The following C4BPB variants were observed in gnomAD, a reference collection of about 807,000 sequenced individuals.
The protein encoded by C4BPB is C4b-binding protein beta chain.
Under a neutral mutation model 26.6 loss-of-function variants are expected in C4BPB, and 19 were observed. The ratio of observed to expected loss-of-function variants is 0.71; its 90% CI spans 0.50 to 1.05. The LOEUF is 1.05. C4BPB is among the 50% of genes least tolerant of loss of function. The pLI, the probability that C4BPB is intolerant of heterozygous loss-of-function variation, is 0.00. For synonymous variants in C4BPB, 118 were observed against 103.5 expected (o/e 1.14, Z -0.85); for missense variants, 282 against 302.9 (o/e 0.93, Z 0.51).
At chr1:207,091,573 A>T (rs1445277009) in intron 3 of C4BPB, 71 bp from the exon 4 acceptor site, 7 of 1,254,972 alleles carry the variant, frequency 5.6e-6, no homozygotes, top group Non-Finnish European at 7.9e-6. Flanking sequence ...CTGAAGACTG[A>T]GGAGGTCTGG....
chr1:207,099,087 C>G (rs554718997), intron 6 of C4BPB, among the ~76,000 whole-genome samples: 1 of 151,236 alleles, frequency 6.6e-6, no homozygotes, highest in Admixed American at 6.6e-5. Flanking sequence ...GAGACAGTGA[C>G]AGATCATCAG....
chr1:207,098,036 A>G lies in C4BPB; in HGVS notation c.504-114A>G, dbSNP rs540038796. 81 of 784,122 alleles carry G rather than the reference A, an allele frequency of 1.0e-4. No individual in the cohort carries two copies. In the South Asian group the frequency reaches 1.0e-3, roughly 10 times the overall value. The allele number at this position is 784,122 out of a possible 1,614,324, so 48.6% of individuals were successfully genotyped here. A position where few individuals can be genotyped will look rare whatever the true frequency, so the allele number is the denominator to read the frequency against. On this transcript the variant is annotated intron_variant, in intron 5 of 6. Coordinates refer to ENST00000367078, the MANE Select transcript of C4BPB (RefSeq NM_001017365.3). ...TAAGCATGCATTGAGGCTCAAGGGC[A>G]GGGAGGTGGATTCCATCACAGCATG...
chr1:207,089,298 T>A (rs1683924638), intron 1 of C4BPB, 184 bp from the exon 2 acceptor site: 1 of 468,066 alleles, frequency 2.1e-6, no homozygotes, highest in East Asian at 3.4e-5. Context: ...TCTTTTACCA[T>A]CCCTTTGTAT....
At chr1:207,090,150 A>G (rs189169196) in intron 2 of C4BPB, among the ~76,000 whole-genome samples, 158 bp from the exon 3 acceptor site, 104 of 152,336 alleles carry the variant, frequency 6.8e-4, no homozygotes, top group African/African-American at 2.1e-3. Context: ...GGGTGCCTGT[A>G]GTCCCGGCTA....
At chr1:207,092,275 T>C (rs547271382) in intron 4 of C4BPB, among the ~76,000 whole-genome samples, 1 of 152,278 alleles carries the variant, frequency 6.6e-6, no homozygotes, top group African/African-American at 2.4e-5. Flanking sequence ...TTTCATGACT[T>C]TTTCTTATGT....
intron 4 of C4BPB, among the ~76,000 whole-genome samples, chr1:207,093,066 AAAAAATCAATGT>A (rs1464249634): frequency 6.6e-6 from 1 of 152,234 alleles, no homozygotes; most frequent in Non-Finnish European, 1.5e-5. Flanking sequence ...TAAATATTGA[AAAAAATCAATGT>A]TTTCATTTTC....
intron 4 of C4BPB, 111 bp downstream of exon 4, chr1:207,091,931 G>C (rs939846651): frequency 7.8e-6 from 7 of 895,808 alleles, no homozygotes; most frequent in African/African-American, 1.7e-5. Flanking sequence ...TCAGAGACAG[G>C]CTTAAGATCT....
chr1:207,096,896 G>A (rs1234767828), intron 5 of C4BPB, among the ~76,000 whole-genome samples: 1 of 152,232 alleles, frequency 6.6e-6, no homozygotes, highest in Non-Finnish European at 1.5e-5. Flanking sequence ...ATTTGGCTGG[G>A]CGTGATGGCT....
chr1:207,093,422 T>C (rs1481615938), intron 4 of C4BPB, among the ~76,000 whole-genome samples: 1 of 152,178 alleles, frequency 6.6e-6, no homozygotes, highest in Non-Finnish European at 1.5e-5. Context: ...ACAAAGTTAC[T>C]ATGAGCACAA....
At chr1:207,090,799 G>A (rs142631632) in intron 3 of C4BPB, among the ~76,000 whole-genome samples, 3 of 151,852 alleles carry the variant, frequency 2.0e-5, no homozygotes, top group African/African-American at 7.3e-5. Flanking sequence ...TTTATGTTAT[G>A]GAAAATTTAA....
intron 3 of C4BPB, 43 bp downstream of exon 3, chr1:207,090,524 G>A (rs1280056825): frequency 6.6e-7 from 1 of 1,511,546 alleles, no homozygotes; most frequent in Non-Finnish European, 9.0e-7. Flanking sequence ...TTGATATCCT[G>A]TTTTACTCCT....
intron 4 of C4BPB, among the ~76,000 whole-genome samples, chr1:207,092,500 A>G (rs1253346811): frequency 6.6e-6 from 1 of 152,126 alleles, no homozygotes; most frequent in African/African-American, 2.4e-5. Flanking sequence ...TAATAACTGC[A>G]TATGTGTATG....
In C4BPB at chr1:207,098,284, C is replaced by A; in HGVS notation, c.618+20C>A. On this transcript the variant is annotated intron_variant, in intron 6 of 6. Transcript: ENST00000367078. The stretch of plus-strand genomic sequence containing the variant: ...GCACTTGTAAGTAGGAGGCTCATAT[C>A]TGTCTTGTTCACAGCTGGATCTCCA... The A allele has an allele frequency of 7.1e-7, 1 of 1,411,008 alleles. No homozygotes were observed. The highest frequency in any genetic ancestry group is 1.0e-6 in the Non-Finnish European group (1 of 995,094). 87.4% of individuals were successfully genotyped at this position (1,411,008 alleles called of 1,614,324 possible).
chr1:207,099,740 TG>T, intron 6 of C4BPB, 48 bp from the exon 7 acceptor site: 1 of 1,562,802 alleles, frequency 6.4e-7, no homozygotes, highest in Admixed American at 1.8e-5. Flanking sequence ...AGTATATAGC[TG>T]GGTCTCAGTC....
chr1:207,090,284 A>G, intron 2 of C4BPB, 24 bp from the exon 3 acceptor site: 1 of 1,576,538 alleles, frequency 6.3e-7, no homozygotes, highest in Non-Finnish European at 8.6e-7. Flanking sequence ...ATGCCAAGTG[A>G]ATCTGTTTTC....
At chr1:207,098,324 T>C in intron 6 of C4BPB, 60 bp downstream of exon 6, 1 of 1,013,274 alleles carries the variant, frequency 9.9e-7, no homozygotes. Flanking sequence ...CTGGCATCAC[T>C]CCTGGCATAT....
chr1:207,096,139 T>C, intron 4 of C4BPB: 1 of 246,536 alleles, frequency 4.1e-6, no homozygotes, highest in Admixed American at 5.2e-5. Flanking sequence ...ACACGCTTCA[T>C]CTCCTCTCTC....
Position 207,090,346 on chromosome 1 carries a change from A to G in C4BPB, c.97A>G (p.Ile33Val), listed in dbSNP as rs757881039. ...CPELPPVDNS[I>V]FVAKEVEGQI... ...AGAGCTTCCTCCAGTGGACAATAGC[A>G]TATTTGTCGCAAAGGAGGTGGAAGG... Residue 33 changes from isoleucine to valine, a missense_variant, in exon 3 of 7, where the codon ATA becomes GTA. By Grantham distance (29) the Ile-to-Val change is conservative. Coordinates refer to ENST00000367078, the MANE Select transcript of C4BPB (RefSeq NM_001017365.3). The G allele has an allele frequency of 3.7e-6, 6 of 1,613,842 alleles. No individual in the cohort carries two copies. In the Admixed American group the frequency reaches 5.0e-5, roughly 13 times the overall value.
At chr1:207,098,827 G>A (rs957390572) in intron 6 of C4BPB, among the ~76,000 whole-genome samples, 7 of 152,192 alleles carry the variant, frequency 4.6e-5, no homozygotes, top group South Asian at 2.1e-4. Context: ...ATCTGGGAGT[G>A]TTGGGAAACA....
Sources: gnomAD v4.1 joint callset for allele counts (sites outside exome capture counted in the v4.1 genomes callset) on GRCh38, gnomAD v4.1.1 for gene constraint, MANE v1.5 for transcripts, NCBI Gene and HGNC (gene_info 2026-07-23, HGNC 2026-07-21) for gene names.